LARGE1: variants seen among roughly 807,000 people sequenced by gnomAD.
The protein encoded by LARGE1 is xylosyl- and glucuronyltransferase LARGE1.
LARGE1 carries 43 observed loss-of-function variants against 87.6 expected under a neutral mutation model. The ratio of observed to expected loss-of-function variants is 0.49; its 90% CI spans 0.38 to 0.63. LARGE1 has a LOEUF of 0.63. Ranked by LOEUF, LARGE1 falls within the 30% of genes least tolerant of loss-of-function variation. LARGE1 has a pLI of 0.00. For missense variants in LARGE1, 802 were observed against 1,000.2 expected (o/e 0.80, Z 2.67); for synonymous variants, 434 against 394.6 (o/e 1.10, Z -1.18).
intron 1 of LARGE1, among the ~76,000 whole-genome samples, chr22:33,783,621 A>C (rs2085503040): frequency 6.6e-6 from 1 of 152,184 alleles, no homozygotes; most frequent in East Asian, 1.9e-4. Flanking sequence ...GTGTCTACTA[A>C]AAGTACTCTC....
At chr22:33,888,859 T>A (rs1320793409) in intron 1 of LARGE1, among the ~76,000 whole-genome samples, 1 of 152,088 alleles carries the variant, frequency 6.6e-6, no homozygotes, top group Admixed American at 6.5e-5. Context: ...TCTGTCTCAA[T>A]AACAAAACAA....
intron 7 of LARGE1, among the ~76,000 whole-genome samples, chr22:33,386,423 T>C (rs971437915): frequency 6.7e-6 from 1 of 148,828 alleles, no homozygotes; most frequent in African/African-American, 2.4e-5. Flanking sequence ...TCTCAGTTTC[T>C]ATGAGTGTTA....
intron 2 of LARGE1, 100 bp from the exon 3 acceptor site, chr22:33,650,768 G>T: frequency 1.5e-6 from 2 of 1,319,882 alleles, no homozygotes; most frequent in Non-Finnish European, 2.1e-6. Flanking sequence ...GAGGCTCCTT[G>T]CACAATCCCA....
chr22:33,428,369 G>A (rs1337384053), intron 7 of LARGE1, among the ~76,000 whole-genome samples: 1 of 149,222 alleles, frequency 6.7e-6, no homozygotes, highest in Non-Finnish European at 1.5e-5. Context: ...CAGCTGGAGT[G>A]CAGTGGCATG....
intron 7 of LARGE1, among the ~76,000 whole-genome samples, chr22:33,401,388 C>A (rs1357641497): frequency 6.6e-6 from 1 of 152,080 alleles, no homozygotes; most frequent in Non-Finnish European, 1.5e-5. Context: ...CTGTCTCGTC[C>A]TTCTTGGGAG....
the LARGE1 span, among the ~76,000 whole-genome samples, chr22:33,081,699 T>C: frequency 5.9e-5 from 9 of 152,078 alleles, no homozygotes; most frequent in African/African-American, 1.7e-4. Context: ...ATACCAGAGG[T>C]TTTGTAGCCT....
chr22:33,522,524 C>T (rs1176214511), intron 6 of LARGE1, among the ~76,000 whole-genome samples: 1 of 151,906 alleles, frequency 6.6e-6, no homozygotes, highest in Non-Finnish European at 1.5e-5. Context: ...CATAGGGAGA[C>T]TTTGTCTCTA....
chr22:33,427,675 T>G (rs981382668), intron 7 of LARGE1, among the ~76,000 whole-genome samples: 2 of 152,230 alleles, frequency 1.3e-5, no homozygotes, highest in Non-Finnish European at 2.9e-5. Context: ...AGTTATTCAG[T>G]TGGGCTATGG....
chr22:33,418,956 C>T (rs571520684), intron 7 of LARGE1, among the ~76,000 whole-genome samples: 1 of 152,238 alleles, frequency 6.6e-6, no homozygotes, highest in African/African-American at 2.4e-5. Context: ...CACTTGGGGT[C>T]TGAACACCTG....
Position 33,608,644 on chromosome 22 carries a change from A to T in LARGE1, c.492-4086T>A, listed in dbSNP as rs185999734. Among the ~76,000 whole-genome samples the T allele has an allele frequency of 1.7e-3, 255 of 152,310 alleles. 1 individual carries two copies. The highest frequency in any genetic ancestry group is 5.8e-3 in the African/African-American group (241 of 41,570). ...GTCCTGAATAGATATTCCTGTAACA[A>T]CAACAAAAAGCCAATGCCCCTCCTT... On this transcript the variant is annotated intron_variant, in intron 4 of 14. Coordinates refer to ENST00000397394, the MANE Select transcript of LARGE1 (RefSeq NM_133642.5).
At chr22:33,515,130 A>T (rs1250833488) in intron 6 of LARGE1, among the ~76,000 whole-genome samples, 6 of 151,740 alleles carry the variant, frequency 4.0e-5, no homozygotes, top group Admixed American at 6.6e-5. Context: ...AAAAAAAAAA[A>T]AATAAAAAAT....
At chr22:33,305,976 T>C (rs1203096319) in intron 11 of LARGE1, among the ~76,000 whole-genome samples, 20 of 151,750 alleles carry the variant, frequency 1.3e-4, no homozygotes, top group Admixed American at 1.2e-3. Flanking sequence ...GTAGCTGGGA[T>C]TACAGCCGCC....
intron 3 of LARGE1, among the ~76,000 whole-genome samples, chr22:33,648,344 T>G (rs558432686): frequency 6.6e-6 from 1 of 152,352 alleles, no homozygotes; most frequent in African/African-American, 2.4e-5. Flanking sequence ...TTTCTCTTTT[T>G]TATGCCTTCT....
At chr22:33,262,790 C>CCTTTCCTTCCTTCCTTCCTT (rs1927709987) in intron 11 of LARGE1, among the ~76,000 whole-genome samples, 1 of 144,006 alleles carries the variant, frequency 6.9e-6, no homozygotes, top group Admixed American at 6.8e-5. Context: ...CCTTCCCTTC[C>CCTTTCCTTCCTTCCTTCCTT]CTTTCCTTCC....
chr22:33,458,846 C>A (rs903025001), intron 6 of LARGE1, among the ~76,000 whole-genome samples: 1 of 152,040 alleles, frequency 6.6e-6, no homozygotes, highest in Admixed American at 6.6e-5. Flanking sequence ...ATGCTAAACA[C>A]GAGAACATGA....
intron 6 of LARGE1, among the ~76,000 whole-genome samples, chr22:33,540,331 G>T (rs1411856174): frequency 6.6e-6 from 1 of 152,196 alleles, no homozygotes; most frequent in African/African-American, 2.4e-5. Context: ...GAAGAGTTTG[G>T]AGTTGACTAA....
intron 6 of LARGE1, among the ~76,000 whole-genome samples, chr22:33,539,809 G>A (rs1327523513): frequency 6.6e-6 from 1 of 152,012 alleles, no homozygotes; most frequent in Non-Finnish European, 1.5e-5. Context: ...CAAATTCCTA[G>A]GCTCAAATGA....
intron 2 of LARGE1, among the ~76,000 whole-genome samples, chr22:33,692,337 G>A (rs1159936167): frequency 6.6e-6 from 1 of 152,146 alleles, no homozygotes; most frequent in Non-Finnish European, 1.5e-5. Context: ...TTGAGATGAA[G>A]TTTTGCTCTG....
intron 2 of LARGE1, among the ~76,000 whole-genome samples, chr22:33,679,054 G>C (rs1480349605): frequency 6.6e-6 from 1 of 152,164 alleles, no homozygotes; most frequent in Non-Finnish European, 1.5e-5. Context: ...GCCACCTGCA[G>C]AACTCTCCAG....
Sources: gnomAD v4.1 joint callset for allele counts (sites outside exome capture counted in the v4.1 genomes callset) on GRCh38, gnomAD v4.1.1 for gene constraint, MANE v1.5 for transcripts, NCBI Gene and HGNC (gene_info 2026-07-23, HGNC 2026-07-21) for gene names.